Variants in CDC123 observed in about 807,000 individuals in gnomAD.
The protein encoded by CDC123 is cell division cycle 123, also known as translation initiation factor eIF2 assembly protein.
Under a neutral mutation model 54.4 loss-of-function variants are expected in CDC123, and 37 were observed. The ratio of observed to expected loss-of-function variants is 0.68; its 90% CI spans 0.52 to 0.89. CDC123 has a LOEUF of 0.89. Ranked by LOEUF, CDC123 falls within the 40% of genes least tolerant of loss-of-function variation. The probability of loss-of-function intolerance (pLI) is 0.00; values close to 1 mark genes in which losing one functional copy is unlikely to be tolerated. For missense variants in CDC123, 361 were observed against 412.1 expected, an observed-to-expected ratio of 0.88 and a Z score of 1.07; for synonymous variants, 144 against 136.8, an observed-to-expected ratio of 1.05 and a Z score of -0.37.
intron 2 of CDC123, among the ~76,000 whole-genome samples, chr10:12,205,729 C>T (rs1835510088): frequency 6.6e-6 from 1 of 152,090 alleles, no homozygotes; most frequent in African/African-American, 2.4e-5. Flanking sequence ...TAAATATTAG[C>T]ACCATACTTT....
chr10:12,212,990 TTAAA>T (rs1326826167), intron 4 of CDC123, among the ~76,000 whole-genome samples: 2 of 152,118 alleles, frequency 1.3e-5, no homozygotes, highest in African/African-American at 4.8e-5. Flanking sequence ...ACATAAGTGA[TTAAA>T]TAAGTGGGGA....
chr10:12,249,874 T>C, intron 12 of CDC123, 156 bp downstream of exon 12: 2 of 984,546 alleles, frequency 2.0e-6, no homozygotes, highest in East Asian at 2.8e-5. Context: ...TAATTAAATA[T>C]GAAATAGGAG....
chr10:12,225,358 G>A (rs920817324), intron 6 of CDC123, among the ~76,000 whole-genome samples: 7 of 152,284 alleles, frequency 4.6e-5, no homozygotes, highest in Admixed American at 1.3e-4. Context: ...TCGTGCCACT[G>A]CGCTCCAGCC....
At chr10:12,222,100 A>G (rs1177824087) in intron 6 of CDC123, among the ~76,000 whole-genome samples, 2 of 152,206 alleles carry the variant, frequency 1.3e-5, no homozygotes, top group Non-Finnish European at 2.9e-5. Context: ...TGCTTAGATG[A>G]GTCAGCACAT....
chr10:12,212,686 C>T (rs1363727141), intron 4 of CDC123, among the ~76,000 whole-genome samples: 1 of 152,182 alleles, frequency 6.6e-6, no homozygotes, highest in Non-Finnish European at 1.5e-5. Context: ...GAAAATTCCA[C>T]ACCTGACCTC....
chr10:12,237,334 A>C, intron 9 of CDC123, 68 bp downstream of exon 9: 1 of 1,294,308 alleles, frequency 7.7e-7, no homozygotes, highest in Non-Finnish European at 1.0e-6. Flanking sequence ...CTTATTTACT[A>C]TGGTGTGTAT....
intron 11 of CDC123, among the ~76,000 whole-genome samples, 158 bp from the exon 12 acceptor site, chr10:12,249,423 G>A (rs1286051823): frequency 1.3e-5 from 2 of 152,202 alleles, no homozygotes; most frequent in Non-Finnish European, 2.9e-5. Flanking sequence ...GTGAGCCACC[G>A]TGCCCGGCTC....
At chr10:12,199,286 C>A (rs1356808821) in intron 2 of CDC123, among the ~76,000 whole-genome samples, 2 of 152,110 alleles carry the variant, frequency 1.3e-5, no homozygotes, top group African/African-American at 4.8e-5. Flanking sequence ...AACTTGAAAA[C>A]GTTGAAGAAT....
In CDC123 at chr10:12,196,283, C is replaced by T. The variant is rs1232065787; in HGVS notation, c.38C>T (p.Ala13Val). Residue 13 changes from alanine (A) to valine (V), a missense_variant, in exon 1 of 13, where the codon GCG (alanine) becomes GTG (valine). Coordinates refer to ENST00000281141, the MANE Select transcript of CDC123 (RefSeq NM_006023.3). ...CATGTGCTTCACTGCCAGTTCTCCG[C>T]GTGGTACCCGTTCTTCCGAGGCGTT... The part of the protein sequence containing the change: ...KEHVLHCQFS[A>V]WYPFFRGVTI... 1.2e-6 allele frequency: 2 copies of T among 1,613,884 alleles called. No homozygotes were observed. The highest frequency in any genetic ancestry group is 8.5e-7 in the Non-Finnish European group (1 of 1,179,874).
intron 6 of CDC123, among the ~76,000 whole-genome samples, chr10:12,229,023 C>T (rs924453552): frequency 2.0e-5 from 3 of 152,178 alleles, no homozygotes; most frequent in African/African-American, 7.2e-5. Flanking sequence ...TCTGCCCCCT[C>T]CCTTTCAGTG....
chr10:12,221,528 A>T (rs1260213069), intron 6 of CDC123, among the ~76,000 whole-genome samples: 4 of 152,114 alleles, frequency 2.6e-5, no homozygotes, highest in African/African-American at 9.7e-5. Flanking sequence ...GGTCACAGTT[A>T]CCCAGCCTAA....
At chr10:12,212,375 CAAT>C (rs1835614202) in intron 4 of CDC123, among the ~76,000 whole-genome samples, 1 of 152,146 alleles carries the variant, frequency 6.6e-6, no homozygotes, top group African/African-American at 2.4e-5. Context: ...AGTGCTGAAA[CAAT>C]GATGTGACAT....
chr10:12,222,153 C>T (rs778503515), intron 6 of CDC123, among the ~76,000 whole-genome samples: 3 of 152,220 alleles, frequency 2.0e-5, no homozygotes, highest in Non-Finnish European at 4.4e-5. Context: ...CACAAATGCT[C>T]CCAGCATCTG....
At chr10:12,197,866 C>A (rs1221583364) in intron 1 of CDC123, among the ~76,000 whole-genome samples, 7 of 151,864 alleles carry the variant, frequency 4.6e-5, no homozygotes, top group East Asian at 1.9e-4. Context: ...TGCAAAAAAA[C>A]CATTTGTAAT....
Position 12,249,050 on chromosome 10 carries a change from G to A in CDC123, c.847-531G>A, listed in dbSNP as rs572102015. 2.8e-3 allele frequency among the ~76,000 whole-genome samples: 419 copies of A among 151,592 alleles called. 3 individuals carry two copies. The highest frequency in any genetic ancestry group is 9.5e-3 in the African/African-American group (392 of 41,286). On this transcript the variant is annotated intron_variant, in intron 11 of 12. Transcript: ENST00000281141. ...CACTTGAACCTGGGAGGCAGAGGTT[G>A]CAGTGAGCAACAGAGACCTGGGCAA...
chr10:12,233,696 G>A (rs1004408586), intron 7 of CDC123, among the ~76,000 whole-genome samples: 12 of 151,804 alleles, frequency 7.9e-5, no homozygotes, highest in Admixed American at 1.3e-4. Flanking sequence ...TAATAATTAC[G>A]TATTTTTTTA....
chr10:12,242,384 A>G (rs942539393), intron 10 of CDC123, among the ~76,000 whole-genome samples: 2 of 152,102 alleles, frequency 1.3e-5, no homozygotes, highest in Non-Finnish European at 2.9e-5. Context: ...TACCCTGCAC[A>G]TTGCCATTGT....
Position 12,210,323 on chromosome 10 carries a change from G to A in CDC123, c.237+1G>A, listed in dbSNP as rs1835580460. On this transcript the variant is annotated splice_donor_variant, in intron 4 of 12. Transcript: ENST00000281141. LOFTEE classifies it high-confidence loss of function. ...TGATGAGAACACAGCCACGCTTACGGTAAGAGCACAGCAGACTCAGCGTGG... is the reference window on the plus strand; with the variant it reads ...TGATGAGAACACAGCCACGCTTACGATAAGAGCACAGCAGACTCAGCGTGG... The A allele has an allele frequency of 1.2e-6, 2 of 1,614,048 alleles. No individual in the cohort carries two copies. Among genetic ancestry groups the A allele is most frequent in the African/African-American group, 2.7e-5 (2 of 74,996 alleles).
Position 12,199,872 on chromosome 10 carries a change from G to C in CDC123, c.146+1096G>C, listed in dbSNP as rs188833480. Among the ~76,000 whole-genome samples, 366 of 152,170 alleles carry C rather than the reference G, an allele frequency of 2.4e-3. 2 individuals are homozygous for C. Among genetic ancestry groups the C allele is most frequent in the African/African-American group, 8.0e-3 (331 of 41,520 alleles). Reference sequence around the variant, plus strand: ...GAGTCTCGCTCTGTCACCCAGGCTGGAGTGCAGTGGCGTGATCTCAGCTCA... The same window carrying C: ...GAGTCTCGCTCTGTCACCCAGGCTGCAGTGCAGTGGCGTGATCTCAGCTCA... On this transcript the variant is annotated intron_variant, in intron 2 of 12. Coordinates refer to ENST00000281141, the MANE Select transcript of CDC123 (RefSeq NM_006023.3).
Sources: allele counts gnomAD v4.1 joint callset (sites outside exome capture counted in the v4.1 genomes callset), GRCh38; gene constraint gnomAD v4.1.1; transcripts MANE v1.5; gene names NCBI Gene and HGNC (gene_info 2026-07-23, HGNC 2026-07-21).